ZFHX3: variants seen among roughly 807,000 people sequenced by gnomAD.
ZFHX3 encodes the protein zinc finger homeobox 3.
ZFHX3 carries 42 observed loss-of-function variants against 279.1 expected under a neutral mutation model. That is an observed-to-expected ratio of 0.15 (90% CI 0.12 to 0.19). ZFHX3 has a LOEUF of 0.19. Ranked by LOEUF, ZFHX3 falls within the 10% of genes least tolerant of loss-of-function variation. The pLI, the probability that ZFHX3 is intolerant of heterozygous loss-of-function variation, is 1.00. For missense variants in ZFHX3, 4,981 were observed against 4,754.0 expected, an observed-to-expected ratio of 1.05 and a Z score of -1.40; for synonymous variants, 2,293 against 1,957.8, an observed-to-expected ratio of 1.17 and a Z score of -4.52.
chr16:73,490,698 C>T (rs995601641), intron 2 of ZFHX3, among the ~76,000 whole-genome samples: 3 of 151,998 alleles, frequency 2.0e-5, no homozygotes, highest in East Asian at 1.9e-4. Flanking sequence ...ATTAGCCAAG[C>T]GTGGTGGCAC....
In ZFHX3 at chr16:72,787,719, A is replaced by G. The variant is rs112443847; in HGVS notation, c.10557T>C (p.Gly3519=). 13,568 of 1,294,142 alleles carry G rather than the reference A, an allele frequency of 0.01. 70 individuals are homozygous for G. The highest frequency in any genetic ancestry group is 0.012 in the South Asian group (465 of 38,600). The allele number at this position is 1,294,142 out of a possible 1,614,324, so 80.2% of individuals were successfully genotyped here. A position where few individuals can be genotyped will look rare whatever the true frequency, so the allele number is the denominator to read the frequency against. The change falls in exon 10 of 10, where the codon GGT becomes GGC. Residue 3519 remains glycine (G), a synonymous_variant. Coordinates refer to ENST00000268489, the MANE Select transcript of ZFHX3 (RefSeq NM_006885.4). ...AGCCGCCGCCGCCGCCGCCGCCGCC[A>G]CCGCCGCCGCCGCCGCCACTGCCAC... ...GGGGSGGGGG[G]GGGGGGGGSY...
At chr16:73,217,194 C>T (rs112596886) in intron 5 of ZFHX3, among the ~76,000 whole-genome samples, 2 of 152,196 alleles carry the variant, frequency 1.3e-5, no homozygotes, top group African/African-American at 4.8e-5. Context: ...TGTTATCGAT[C>T]CTCAAGGCTC....
intron 1 of ZFHX3, among the ~76,000 whole-genome samples, chr16:73,832,211 T>TA (rs1319751208): frequency 1.3e-5 from 2 of 151,996 alleles, no homozygotes; most frequent in African/African-American, 4.8e-5. Context: ...TATGCTTTTT[T>TA]TTTTTTCTTT....
intron 1 of ZFHX3, among the ~76,000 whole-genome samples, chr16:72,965,624 A>G (rs889937732): frequency 6.6e-5 from 10 of 152,236 alleles, no homozygotes; most frequent in Non-Finnish European, 7.3e-5. Context: ...CTTGTAGAGA[A>G]GAGAGACCAC....
chr16:73,860,789 G>C (rs1961861186), intron 1 of ZFHX3, among the ~76,000 whole-genome samples: 1 of 152,048 alleles, frequency 6.6e-6, no homozygotes, highest in Non-Finnish European at 1.5e-5. Context: ...AGTGATTAAA[G>C]ACATTAGCCC....
intron 2 of ZFHX3, among the ~76,000 whole-genome samples, chr16:73,541,123 C>T (rs190480094): frequency 2.2e-4 from 34 of 152,264 alleles, no homozygotes; most frequent in African/African-American, 3.1e-4. Flanking sequence ...AGCATGTCTC[C>T]ACCTTTATGA....
At chr16:73,651,977 T>C (rs907673341) in intron 2 of ZFHX3, among the ~76,000 whole-genome samples, 2 of 152,242 alleles carry the variant, frequency 1.3e-5, no homozygotes, top group East Asian at 1.9e-4. Context: ...AAAATTAGAA[T>C]TCCATATCCA....
chr16:73,322,254 A>G lies in ZFHX3; in HGVS notation c.-1290-3918T>C, dbSNP rs542111782. ...AAATCAGCCAGAAAGCACTGAAAAG[A>G]GAGAACGCATTTGAATCTTCATGGC... On this transcript the variant is annotated intron_variant, in intron 3 of 17. Coordinates refer to the ZFHX3 transcript ENST00000641206. Among the ~76,000 whole-genome samples, 41 of 148,684 alleles carry G rather than the reference A, an allele frequency of 2.8e-4. 1 individual carries two copies. Among genetic ancestry groups the G allele is most frequent in the African/African-American group, 9.5e-4 (39 of 40,896 alleles).
At chr16:73,019,465 C>T (rs185183492) in intron 1 of ZFHX3, among the ~76,000 whole-genome samples, 3 of 152,304 alleles carry the variant, frequency 2.0e-5, no homozygotes, top group Admixed American at 6.5e-5. Flanking sequence ...AACACACATA[C>T]ACTTCCTTAC....
At chr16:73,262,501 C>T (rs1408358656) in intron 4 of ZFHX3, among the ~76,000 whole-genome samples, 1 of 152,128 alleles carries the variant, frequency 6.6e-6, no homozygotes, top group Non-Finnish European at 1.5e-5. Context: ...TCAGTTTCCT[C>T]TAGAGCTAGA....
At chr16:73,171,658 T>C (rs952462097) in intron 5 of ZFHX3, among the ~76,000 whole-genome samples, 9 of 152,210 alleles carry the variant, frequency 5.9e-5, no homozygotes. Context: ...TTAATTGCCA[T>C]CTGTTGACAC....
At chr16:73,749,227 G>A (rs954328187) in intron 1 of ZFHX3, among the ~76,000 whole-genome samples, 1 of 152,054 alleles carries the variant, frequency 6.6e-6, no homozygotes, top group Non-Finnish European at 1.5e-5. Context: ...TGTTTTGTCT[G>A]CCTGGTGAAC....
At chr16:73,290,199 T>C (rs1311546958) in intron 4 of ZFHX3, among the ~76,000 whole-genome samples, 1 of 152,166 alleles carries the variant, frequency 6.6e-6, no homozygotes, top group Non-Finnish European at 1.5e-5. Flanking sequence ...GTGCCTTCCC[T>C]GATGGAGATT....
chr16:73,124,564 G>A (rs1025229754), intron 7 of ZFHX3, among the ~76,000 whole-genome samples: 2 of 152,156 alleles, frequency 1.3e-5, no homozygotes, highest in Non-Finnish European at 2.9e-5. Flanking sequence ...TCCTGGACAC[G>A]TTTGATAGCA....
At chr16:73,084,187 A>G (rs1157298424) in intron 8 of ZFHX3, among the ~76,000 whole-genome samples, 1 of 152,206 alleles carries the variant, frequency 6.6e-6, no homozygotes, top group African/African-American at 2.4e-5. Flanking sequence ...CTAGAACAAG[A>G]AAAGAATGCA....
At chr16:73,104,662 C>G (rs974048113) in intron 7 of ZFHX3, among the ~76,000 whole-genome samples, 1 of 152,140 alleles carries the variant, frequency 6.6e-6, no homozygotes, top group African/African-American at 2.4e-5. Flanking sequence ...GCTGTACAAG[C>G]GTAATGGGAA....
intron 2 of ZFHX3, among the ~76,000 whole-genome samples, chr16:73,489,304 C>A (rs890305090): frequency 6.6e-6 from 1 of 152,186 alleles, no homozygotes; most frequent in African/African-American, 2.4e-5. Flanking sequence ...TTTATCCCAT[C>A]TGACTAGCAA....
intron 1 of ZFHX3, among the ~76,000 whole-genome samples, chr16:73,799,307 A>G (rs1434668050): frequency 6.6e-6 from 1 of 152,252 alleles, no homozygotes; most frequent in Non-Finnish European, 1.5e-5. Flanking sequence ...AAGATGCTAT[A>G]TGAGTGTAAA....
rs77405950 is a variant in ZFHX3 at position 73,524,171 on chromosome 16, C to G, written c.-1546-67913G>C. On this transcript the variant is annotated intron_variant, in intron 2 of 17. Transcript: ENST00000641206. ...TTCCACCAGCCAGTCCAAGCCATCT[C>G]TCTGTGCACCTACCATGTGCAAGGC... Among the ~76,000 whole-genome samples the G allele has an allele frequency of 4.7e-4, 72 of 152,296 alleles. 1 individual carries two copies. The East Asian group carries it at 0.012, about 26-fold the overall frequency.
Sources: gnomAD v4.1 joint callset for allele counts (sites outside exome capture counted in the v4.1 genomes callset) on GRCh38, gnomAD v4.1.1 for gene constraint, MANE v1.5 for transcripts, NCBI Gene and HGNC (gene_info 2026-07-23, HGNC 2026-07-21) for gene names.